Variants in SH3GL2 observed in about 807,000 individuals in gnomAD.
The protein encoded by SH3GL2 is SH3 domain containing GRB2 like 2, endophilin A1.
Under a neutral mutation model 46.0 loss-of-function variants are expected in SH3GL2, and 24 were observed. That is an observed-to-expected ratio of 0.52 (90% CI 0.38 to 0.73). The LOEUF (loss-of-function observed/expected upper bound fraction) is 0.73. SH3GL2 is among the 30% of genes least tolerant of loss of function. The pLI is 0.00. For synonymous variants in SH3GL2, 196 were observed against 147.1 expected (o/e 1.33, Z -2.40); for missense variants, 413 against 424.2 (o/e 0.97, Z 0.23).
At chr9:17,582,469 C>G (rs954861481) in intron 1 of SH3GL2, among the ~76,000 whole-genome samples, 3 of 152,076 alleles carry the variant, frequency 2.0e-5, no homozygotes, top group Non-Finnish European at 4.4e-5. Context: ...TTTTTTTACA[C>G]TTGTTTTAAA....
chr9:17,639,662 G>T (rs1334394764), intron 1 of SH3GL2, among the ~76,000 whole-genome samples: 1 of 152,146 alleles, frequency 6.6e-6, no homozygotes, highest in Non-Finnish European at 1.5e-5. Flanking sequence ...GGTGTTAGTC[G>T]AAGAGAAAGG....
intron 1 of SH3GL2, among the ~76,000 whole-genome samples, chr9:17,659,348 A>G (rs910420572): frequency 6.6e-6 from 1 of 152,070 alleles, no homozygotes; most frequent in Non-Finnish European, 1.5e-5. Flanking sequence ...TGCTGTTGCT[A>G]TAGGATGATG....
intron 1 of SH3GL2, among the ~76,000 whole-genome samples, chr9:17,586,341 G>C (rs974185381): frequency 1.3e-5 from 2 of 152,098 alleles, no homozygotes; most frequent in Non-Finnish European, 2.9e-5. Flanking sequence ...GACACTGAAG[G>C]ACCTCTAGGC....
intron 1 of SH3GL2, among the ~76,000 whole-genome samples, chr9:17,595,690 T>C (rs932621760): frequency 6.6e-6 from 1 of 152,058 alleles, no homozygotes; most frequent in Non-Finnish European, 1.5e-5. Flanking sequence ...ATGAAATCTC[T>C]ACAGCTATTT....
At chr9:17,579,443 G>T (rs1227782569) in intron 1 of SH3GL2, among the ~76,000 whole-genome samples, 156 bp downstream of exon 1, 1 of 151,816 alleles carries the variant, frequency 6.6e-6, no homozygotes, top group Non-Finnish European at 1.5e-5. Context: ...GGCGGCTCGG[G>T]GCATCCCCGG....
At chr9:17,664,442 C>G (rs1408383134) in intron 1 of SH3GL2, among the ~76,000 whole-genome samples, 1 of 152,042 alleles carries the variant, frequency 6.6e-6, no homozygotes, top group Non-Finnish European at 1.5e-5. Flanking sequence ...CAACTTTATA[C>G]CTCTTTGCCT....
chr9:17,710,800 G>A (rs906704544), intron 1 of SH3GL2, among the ~76,000 whole-genome samples: 5 of 151,908 alleles, frequency 3.3e-5, no homozygotes, highest in Non-Finnish European at 5.9e-5. Context: ...TCTTTGAAGT[G>A]TGATAATAAT....
At chr9:17,729,557 T>A (rs1037614266) in intron 1 of SH3GL2, among the ~76,000 whole-genome samples, 1 of 152,168 alleles carries the variant, frequency 6.6e-6, no homozygotes, top group Non-Finnish European at 1.5e-5. Flanking sequence ...CTGAATGGTA[T>A]TGCCTAGGTT....
intron 1 of SH3GL2, among the ~76,000 whole-genome samples, chr9:17,741,160 T>C (rs1326929847): frequency 6.6e-6 from 1 of 152,162 alleles, no homozygotes; most frequent in East Asian, 1.9e-4. Flanking sequence ...ATTTATAGAA[T>C]GTTAATTAAA....
At chr9:17,724,118 G>T (rs1291514086) in intron 1 of SH3GL2, among the ~76,000 whole-genome samples, 7 of 151,840 alleles carry the variant, frequency 4.6e-5, no homozygotes, top group Non-Finnish European at 1.0e-4. Flanking sequence ...TTGATTATGT[G>T]TTGGTTTGCT....
At chr9:17,734,158 G>C (rs1296443196) in intron 1 of SH3GL2, among the ~76,000 whole-genome samples, 1 of 152,090 alleles carries the variant, frequency 6.6e-6, no homozygotes, top group Non-Finnish European at 1.5e-5. Flanking sequence ...TGCTTTTCAA[G>C]ATCATCTGGA....
rs557421901 is a variant in SH3GL2, at chr9:17,666,990, G to T, written c.46-80076G>T. On this transcript the variant is annotated intron_variant, in intron 1 of 8. Transcript: ENST00000380607. ...TGGTATTGCAGCGTAGTTGTCATTT[G>T]CTTTTATTATGTGTTAAGTTGAAGA... Among the ~76,000 whole-genome samples the T allele has an allele frequency of 2.0e-5, 3 of 152,140 alleles. No homozygotes were observed. In the East Asian group the frequency reaches 5.8e-4, roughly 29 times the overall value.
intron 1 of SH3GL2, among the ~76,000 whole-genome samples, chr9:17,623,490 G>A (rs1274505277): frequency 6.6e-6 from 1 of 152,150 alleles, no homozygotes; most frequent in East Asian, 1.9e-4. Flanking sequence ...ACAAGTCAGA[G>A]AGAAATCCAG....
intron 1 of SH3GL2, among the ~76,000 whole-genome samples, chr9:17,614,253 T>A (rs896299551): frequency 6.9e-6 from 1 of 144,122 alleles, no homozygotes; most frequent in Non-Finnish European, 1.5e-5. Flanking sequence ...ATTGTGCATA[T>A]GTGTATTTGT....
At chr9:17,663,726 T>G (rs566004874) in intron 1 of SH3GL2, among the ~76,000 whole-genome samples, 1 of 152,344 alleles carries the variant, frequency 6.6e-6, no homozygotes, top group Admixed American at 6.5e-5. Context: ...CACCGCAGAC[T>G]TTTTGTTAAC....
intron 1 of SH3GL2, among the ~76,000 whole-genome samples, chr9:17,606,547 C>T (rs1018484740): frequency 2.6e-5 from 4 of 152,172 alleles, no homozygotes; most frequent in Admixed American, 1.3e-4. Context: ...TTCGATGGTC[C>T]ATGGCTGTAC....
At chr9:17,615,127 C>A (rs1818957339) in intron 1 of SH3GL2, among the ~76,000 whole-genome samples, 1 of 152,138 alleles carries the variant, frequency 6.6e-6, no homozygotes, top group African/African-American at 2.4e-5. Context: ...TGGTAGGACC[C>A]ACGGCTGTGT....
intron 1 of SH3GL2, among the ~76,000 whole-genome samples, chr9:17,738,583 G>T (rs796391567): frequency 0.043 from 3,875 of 90,848 alleles, 117 homozygotes; most frequent in South Asian, 0.079. Flanking sequence ...TATAGAGAGA[G>T]AGAGAGAGAG....
chr9:17,795,760 G>T lies in SH3GL2; in HGVS notation c.*17G>T. Reference sequence around the variant, plus strand: ...CCCCATTAGGATGTTATGCTGGCTGGCTCGCCTCCTCTTGACCCAGATAGT... The same window carrying T: ...CCCCATTAGGATGTTATGCTGGCTGTCTCGCCTCCTCTTGACCCAGATAGT... On this transcript the variant is annotated 3_prime_UTR_variant, in exon 9 of 9. Coordinates refer to ENST00000380607, the MANE Select transcript of SH3GL2 (RefSeq NM_003026.5). 1 of 1,601,888 alleles carries T rather than the reference G, an allele frequency of 6.2e-7. No homozygotes were observed. The highest frequency in any genetic ancestry group is 8.5e-7 in the Non-Finnish European group (1 of 1,170,312).
Sources: allele counts gnomAD v4.1 joint callset (sites outside exome capture counted in the v4.1 genomes callset), GRCh38; gene constraint gnomAD v4.1.1; transcripts MANE v1.5; gene names NCBI Gene and HGNC (gene_info 2026-07-23, HGNC 2026-07-21).